FBXL7: variants seen among roughly 807,000 people sequenced by gnomAD.
FBXL7 encodes the protein F-box/LRR-repeat protein 7.
In FBXL7, 12 loss-of-function variants were observed where a neutral mutation model predicts 38.3. That is an observed-to-expected ratio of 0.31 (90% CI 0.20 to 0.51). FBXL7 has a LOEUF of 0.51. FBXL7 is among the 20% of genes least tolerant of loss of function. The pLI is 0.98. For missense variants in FBXL7, 567 were observed against 676.4 expected (o/e 0.84, Z 1.79); for synonymous variants, 297 against 300.9 (o/e 0.99, Z 0.13).
chr5:15,803,876 C>G (rs564049073), intron 2 of FBXL7, among the ~76,000 whole-genome samples: 3 of 152,246 alleles, frequency 2.0e-5, no homozygotes, highest in Admixed American at 2.0e-4. Context: ...TACCTGAGAA[C>G]CACCATGTTT....
chr5:15,529,287 A>G (rs1161598185), intron 1 of FBXL7, among the ~76,000 whole-genome samples: 2 of 152,174 alleles, frequency 1.3e-5, no homozygotes, highest in Non-Finnish European at 2.9e-5. Flanking sequence ...TCCATTGTGT[A>G]TATGCCACAT....
intron 2 of FBXL7, among the ~76,000 whole-genome samples, chr5:15,888,750 A>G (rs907401197): frequency 6.6e-6 from 1 of 152,198 alleles, no homozygotes; most frequent in Non-Finnish European, 1.5e-5. Flanking sequence ...TACTTTACAA[A>G]AAAATGGCAA....
intron 2 of FBXL7, among the ~76,000 whole-genome samples, chr5:15,886,802 T>A (rs1051497951): frequency 6.6e-6 from 1 of 152,252 alleles, no homozygotes; most frequent in African/African-American, 2.4e-5. Context: ...TGTTTGCATG[T>A]GCACATGTGT....
At chr5:15,898,124 T>G (rs1450522975) in intron 2 of FBXL7, among the ~76,000 whole-genome samples, 3 of 152,016 alleles carry the variant, frequency 2.0e-5, no homozygotes, top group African/African-American at 7.2e-5. Flanking sequence ...TTAGTATAGC[T>G]ATTGCATCCA....
rs890972922 is a variant in FBXL7, at chr5:15,928,236, C to T, written c.474C>T (p.Arg158=). Residue 158 remains arginine (R), a synonymous_variant, in exon 3 of 4, where the codon CGC becomes CGT. Transcript: ENST00000504595. The surrounding 1 kb of genome is among the most constrained non-coding windows in gnomAD (Gnocchi z 4.0). ...ACCCGCGGCTCTGGAGGACTATCCG[C>T]CTGACGGGCGAGACCATCAACGTGG... is the stretch of plus-strand genomic sequence containing the variant. ...AWDPRLWRTI[R]LTGETINVDR... The T allele has an allele frequency of 6.8e-6, 11 of 1,611,196 alleles. No individual in the cohort carries two copies. Among genetic ancestry groups the T allele is most frequent in the Non-Finnish European group, 8.5e-6 (10 of 1,178,878 alleles).
intron 2 of FBXL7, among the ~76,000 whole-genome samples, chr5:15,673,191 C>T (rs541369637): frequency 6.6e-6 from 1 of 152,218 alleles, no homozygotes; most frequent in East Asian, 1.9e-4. Context: ...TGGCGGGCAC[C>T]TGTAATCCCA....
At chr5:15,748,969 G>A (rs977738384) in intron 2 of FBXL7, among the ~76,000 whole-genome samples, 2 of 152,118 alleles carry the variant, frequency 1.3e-5, no homozygotes, top group African/African-American at 2.4e-5. Flanking sequence ...AGTTAGCCTC[G>A]CACGGTGGCT....
chr5:15,682,973 G>C (rs1742897431), intron 2 of FBXL7, among the ~76,000 whole-genome samples: 1 of 152,210 alleles, frequency 6.6e-6, no homozygotes, highest in Non-Finnish European at 1.5e-5. Flanking sequence ...GTAATGTCCA[G>C]TCATAATAAA....
intron 1 of FBXL7, among the ~76,000 whole-genome samples, chr5:15,562,293 C>T (rs1179008366): frequency 6.6e-6 from 1 of 151,890 alleles, no homozygotes; most frequent in Admixed American, 6.6e-5. Flanking sequence ...GCTGTGCACA[C>T]CAAAGGAAGC....
intron 2 of FBXL7, among the ~76,000 whole-genome samples, chr5:15,817,785 C>G (rs143461157): frequency 6.6e-6 from 1 of 152,156 alleles, no homozygotes; most frequent in South Asian, 2.1e-4. Context: ...TGTGGAACTG[C>G]GAGTCCACTA....
rs7706195 is a variant in FBXL7, at chr5:15,616,287, C to G, written c.127+215C>G. Among the ~76,000 whole-genome samples the G allele has an allele frequency of 0.17, 25,803 of 152,066 alleles. 2,283 individuals are homozygous for G. Among genetic ancestry groups the G allele is most frequent in the Non-Finnish European group, 0.19 (12,671 of 68,000 alleles). On this transcript the variant is annotated intron_variant, in intron 2 of 3. Coordinates refer to ENST00000504595, the MANE Select transcript of FBXL7 (RefSeq NM_012304.5). Reference sequence around the variant, plus strand: ...AATTGATTTGACGGGATTCAGGTGCCTCAATTATAAGGCAAATGTTGTTTT... The same window carrying G: ...AATTGATTTGACGGGATTCAGGTGCGTCAATTATAAGGCAAATGTTGTTTT...
Position 15,936,402 on chromosome 5 carries a change from C to G in FBXL7, c.740-48C>G. On this transcript the variant is annotated intron_variant, in intron 3 of 3. Coordinates refer to ENST00000504595, the MANE Select transcript of FBXL7 (RefSeq NM_012304.5). This position sits in a 1 kb window ranked among gnomAD's most constrained non-coding sequence, Gnocchi z 6.0. ...CCCCAGGGCATCCCCAGGCGTGGCT[C>G]CCCTGCTGGCAGGTTGCTCTGAGCC... The G allele has an allele frequency of 6.3e-7, 1 of 1,578,004 alleles. No homozygotes were observed. The highest frequency in any genetic ancestry group is 1.7e-5 in the Admixed American group (1 of 58,296).
intron 2 of FBXL7, among the ~76,000 whole-genome samples, chr5:15,654,381 T>G (rs892095895): frequency 3.3e-5 from 5 of 151,700 alleles, no homozygotes; most frequent in African/African-American, 1.2e-4. Flanking sequence ...ATGGTCTGCC[T>G]TTTAATTCTG....
chr5:15,570,102 C>T (rs1354056585), intron 1 of FBXL7, among the ~76,000 whole-genome samples: 1 of 152,192 alleles, frequency 6.6e-6, no homozygotes, highest in Non-Finnish European at 1.5e-5. Context: ...GTGCTGGCCT[C>T]ATAAAATGAG....
chr5:15,798,430 C>T (rs1455370890), intron 2 of FBXL7, among the ~76,000 whole-genome samples: 1 of 152,166 alleles, frequency 6.6e-6, no homozygotes, highest in Non-Finnish European at 1.5e-5. Context: ...TCTTCCACAT[C>T]GTTCTGAATT....
chr5:15,737,540 G>A (rs1192346675), intron 2 of FBXL7, among the ~76,000 whole-genome samples: 4 of 152,114 alleles, frequency 2.6e-5, no homozygotes, highest in Non-Finnish European at 4.4e-5. Context: ...TGGGAATGTT[G>A]GAAGGGCATT....
chr5:15,917,774 C>CTT lies in FBXL7; in HGVS notation c.128-10102_128-10101dup, dbSNP rs11366996. ...AAGACTTTAAATCAGAGGCTTATGC[C>CTT]TTTTTTTTTTTTTTTCATTAAAAAG... On this transcript the variant is annotated intron_variant, in intron 2 of 3. Transcript: ENST00000504595. 1.7e-4 allele frequency among the ~76,000 whole-genome samples: 24 copies of CTT among 138,152 alleles called. 1 individual carries two copies. Among genetic ancestry groups the CTT allele is most frequent in the Non-Finnish European group, 2.2e-4 (14 of 63,650 alleles). The allele number at this position is 138,152 out of a possible 152,430, so 90.6% of individuals were successfully genotyped here.
At chr5:15,688,364 AT>A (rs1435155546) in intron 2 of FBXL7, among the ~76,000 whole-genome samples, 1 of 152,196 alleles carries the variant, frequency 6.6e-6, no homozygotes, top group African/African-American at 2.4e-5. Context: ...TATTATCCCA[AT>A]TTATAAATTT....
intron 1 of FBXL7, among the ~76,000 whole-genome samples, chr5:15,564,814 A>C (rs1391722321): frequency 6.6e-6 from 1 of 152,120 alleles, no homozygotes; most frequent in Admixed American, 6.6e-5. Flanking sequence ...CCTGAAATAC[A>C]TTCAAAATGT....
Sources: gnomAD v4.1 joint callset for allele counts (sites outside exome capture counted in the v4.1 genomes callset) on GRCh38, gnomAD v4.1.1 for gene constraint, Gnocchi (gnomAD v3.1) non-coding constraint, MANE v1.5 for transcripts, NCBI Gene and HGNC (gene_info 2026-07-23, HGNC 2026-07-21) for gene names.